Variants in PIGB observed in about 807,000 individuals in gnomAD.
PIGB encodes GPI alpha-1,2-mannosyltransferase 3.
A neutral mutation model predicts 68.4 loss-of-function variants in PIGB; 58 were observed. That is an observed-to-expected ratio of 0.85 (90% CI 0.69 to 1.06). The LOEUF is 1.06. PIGB is among the 50% of genes least tolerant of loss of function. The pLI, the probability that PIGB is intolerant of heterozygous loss-of-function variation, is 0.00. For missense variants in PIGB, 634 were observed against 655.8 expected (o/e 0.97, Z 0.36); for synonymous variants, 219 against 220.5 (o/e 0.99, Z 0.06).
intron 3 of PIGB, among the ~76,000 whole-genome samples, chr15:55,326,060 G>A (rs1473863955): frequency 6.6e-6 from 1 of 151,962 alleles, no homozygotes; most frequent in African/African-American, 2.4e-5. Flanking sequence ...AGCTGGGCGT[G>A]GCGGCGTGCA....
intron 9 of PIGB, 22 bp downstream of exon 9, chr15:55,341,824 A>G: frequency 8.7e-7 from 1 of 1,153,110 alleles, no homozygotes; most frequent in Non-Finnish European, 1.2e-6. Flanking sequence ...TGTTTGTTAT[A>G]GAAAATAAAT....
In PIGB at chr15:55,341,767, T is replaced by C. The variant is rs1276678826; in HGVS notation, c.1088T>C (p.Ile363Thr). ...SMLSHKEFRF[I>T]YPVLPFCMVF... ...TTGAGCCACAAAGAATTCAGGTTTA[T>C]TTATCCAGTTTTACCATTCTGTATG... Residue 363 changes from isoleucine (I) to threonine (T), a missense_variant, in exon 9 of 12, where the codon ATT (isoleucine) becomes ACT (threonine). Physicochemically the swap from Ile to Thr is moderately conservative, Grantham distance 89 (BLOSUM62 -1). Coordinates refer to ENST00000164305, the MANE Select transcript of PIGB (RefSeq NM_004855.5). 2.0e-6 allele frequency: 3 copies of C among 1,464,606 alleles called. No individual in the cohort carries two copies. In the African/African-American group the frequency reaches 4.2e-5, roughly 21 times the overall value. 90.7% of individuals were successfully genotyped at this position (1,464,606 alleles called of 1,614,324 possible).
chr15:55,325,660 T>TA (rs1382878001), intron 3 of PIGB, among the ~76,000 whole-genome samples: 1 of 152,210 alleles, frequency 6.6e-6, no homozygotes, highest in African/African-American at 2.4e-5. Context: ...CTCATGCCTG[T>TA]AATCCTAGCA....
chr15:55,347,089 C>A (rs2055811067), intron 9 of PIGB, among the ~76,000 whole-genome samples: 1 of 152,204 alleles, frequency 6.6e-6, no homozygotes, highest in African/African-American at 2.4e-5. Flanking sequence ...AAGATATTTT[C>A]TTTATATGTC....
chr15:55,352,724 T>C (rs570833803), intron 10 of PIGB, among the ~76,000 whole-genome samples: 1 of 152,172 alleles, frequency 6.6e-6, no homozygotes, highest in African/African-American at 2.4e-5. Context: ...ACCATTGCAC[T>C]CCAACCTGGG....
chr15:55,348,912 T>C (rs948344373), intron 9 of PIGB, among the ~76,000 whole-genome samples: 4 of 152,230 alleles, frequency 2.6e-5, no homozygotes, highest in Admixed American at 1.3e-4. Context: ...GTGTCTGTGA[T>C]TGGGGTTATT....
chr15:55,333,872 A>T lies in PIGB; in HGVS notation c.659A>T (p.Lys220Ile), dbSNP rs775201783. ...LEGSKSMNSV[K>I]YSSLVALAFI... ...CACACATTTTCCTCTTATAGTGTCA[A>T]ATACTCATCCCTGGTGGCACTTGCC... The change falls in exon 6 of 12, where the codon AAA (lysine) becomes ATA (isoleucine). Residue 220 changes from lysine to isoleucine, a missense_variant. Lys to Ile is a moderately radical substitution (Grantham distance 102). Coordinates refer to ENST00000164305, the MANE Select transcript of PIGB (RefSeq NM_004855.5). The T allele has an allele frequency of 3.8e-6, 6 of 1,595,330 alleles. No homozygotes were observed. In the Admixed American group the frequency reaches 1.1e-4, roughly 28 times the overall value.
Position 55,333,909 on chromosome 15 carries a change from T to C in PIGB, c.696T>C (p.Arg232=). 1.2e-6 allele frequency: 2 copies of C among 1,608,708 alleles called. No homozygotes were observed. The highest frequency in any genetic ancestry group is 1.7e-6 in the Non-Finnish European group (2 of 1,177,520). ...SSLVALAFII[R]PTAVILWTPL... ...TGGTGGCACTTGCCTTCATAATTCG[T>C]CCCACAGCTGTCATTCTGTGGACAC... Residue 232 remains arginine (R), a synonymous_variant, in exon 6 of 12, where the codon CGT becomes CGC. Transcript: ENST00000164305.
intron 8 of PIGB, 128 bp downstream of exon 8, chr15:55,340,951 A>C (rs2055656449): frequency 1.6e-6 from 1 of 609,486 alleles, no homozygotes; most frequent in Admixed American, 3.1e-5. Context: ...TTATCTTAGA[A>C]GATACAAGTA....
rs1439906838 is a variant in PIGB, at chr15:55,329,747, G to C, written c.546G>C (p.Trp182Cys). Residue 182 changes from tryptophan to cysteine, a missense_variant, in exon 5 of 12, where the codon TGG (tryptophan) becomes TGC (cysteine). Physicochemically the swap from Trp to Cys is radical, Grantham distance 215. Coordinates refer to ENST00000164305, the MANE Select transcript of PIGB (RefSeq NM_004855.5). ...RWVFFCQLCS[W>C]FTWYCCTRTL... ...AGTTTTTTTGCCAGTTGTGCTCCTGGTTCACATGGTATTGCTGTACCAGAA... is the reference window on the plus strand; with the variant it reads ...AGTTTTTTTGCCAGTTGTGCTCCTGCTTCACATGGTATTGCTGTACCAGAA... 6.2e-7 allele frequency: 1 copy of C among 1,610,614 alleles called. No individual in the cohort carries two copies. The highest frequency in any genetic ancestry group is 1.3e-5 in the African/African-American group (1 of 74,710).
intron 5 of PIGB, 62 bp from the exon 6 acceptor site, chr15:55,333,805 T>G (rs2055476005): frequency 6.5e-6 from 8 of 1,236,464 alleles, no homozygotes; most frequent in Non-Finnish European, 7.8e-6. Flanking sequence ...AATCACAGTG[T>G]AAATGATAGA....
intron 3 of PIGB, 121 bp from the exon 4 acceptor site, chr15:55,327,410 C>A: frequency 1.6e-6 from 1 of 619,064 alleles, no homozygotes; most frequent in South Asian, 2.1e-5. Context: ...AATATATTGC[C>A]TATTTTTGTA....
intron 5 of PIGB, among the ~76,000 whole-genome samples, chr15:55,333,442 C>G (rs1241763009): frequency 6.6e-6 from 1 of 151,490 alleles, no homozygotes; most frequent in South Asian, 2.1e-4. Flanking sequence ...ACTAAAAATA[C>G]AAAAAATTAG....
intron 6 of PIGB, among the ~76,000 whole-genome samples, chr15:55,338,264 TTGAACA>T (rs2055582874): frequency 6.6e-6 from 1 of 152,142 alleles, no homozygotes; most frequent in South Asian, 2.1e-4. Flanking sequence ...CCCCTCCCCC[TTGAACA>T]TGGGCTAGAT....
At chr15:55,344,131 G>A (rs1434120853) in intron 9 of PIGB, among the ~76,000 whole-genome samples, 1 of 152,166 alleles carries the variant, frequency 6.6e-6, no homozygotes, top group Non-Finnish European at 1.5e-5. Context: ...TGTGTAAAAG[G>A]CCACCTCAAA....
rs368606325 is a variant in PIGB at position 55,319,242 on chromosome 15, C to T, written c.-9C>T. ...GCTTTCTTCCGCCTTAGGAAGGTGG[C>T]GGCCAGGGATGAGGAGGCCCCTAAG... On this transcript the variant is annotated 5_prime_UTR_variant, in exon 1 of 12. Coordinates refer to ENST00000164305, the MANE Select transcript of PIGB (RefSeq NM_004855.5). 6.2e-7 allele frequency: 1 copy of T among 1,600,494 alleles called. No homozygotes were observed. The highest frequency in any genetic ancestry group is 8.5e-7 in the Non-Finnish European group (1 of 1,174,070).
In PIGB at chr15:55,342,611, C is replaced by T. The variant is rs532481944; in HGVS notation, c.1123+809C>T. On this transcript the variant is annotated intron_variant, in intron 9 of 11. Transcript: ENST00000164305. ...TTCACCGTGTTGGCCAGGCTGGTCT[C>T]GAACTCCTGACCTCAGGTGATCCAC... Among the ~76,000 whole-genome samples the T allele has an allele frequency of 8.5e-5, 13 of 152,284 alleles. 1 individual carries two copies. The South Asian group carries it at 1.5e-3, about 17-fold the overall frequency.
intron 3 of PIGB, chr15:55,324,934 AC>A (rs1256592901): frequency 2.6e-6 from 1 of 378,626 alleles, no homozygotes; most frequent in Non-Finnish European, 3.6e-6. Context: ...ATTTATTTAC[AC>A]ATTGTGGACA....
chr15:55,324,517 G>T (rs1266596660), intron 3 of PIGB, among the ~76,000 whole-genome samples: 3 of 152,074 alleles, frequency 2.0e-5, no homozygotes, highest in Non-Finnish European at 2.9e-5. Context: ...TCTTTATTCG[G>T]GGTAAATGTC....
Sources: allele counts gnomAD v4.1 joint callset (sites outside exome capture counted in the v4.1 genomes callset), GRCh38; gene constraint gnomAD v4.1.1; transcripts MANE v1.5; gene names NCBI Gene and HGNC (gene_info 2026-07-23, HGNC 2026-07-21).